The following GUCY1A2 variants were observed in gnomAD, a reference collection of about 807,000 sequenced individuals.
The protein encoded by GUCY1A2 is guanylate cyclase 1 soluble subunit alpha 2.
Under a neutral mutation model 63.5 loss-of-function variants are expected in GUCY1A2, and 27 were observed. The ratio of observed to expected loss-of-function variants is 0.43; its 90% CI spans 0.31 to 0.59. GUCY1A2 has a LOEUF of 0.59. GUCY1A2 is among the 20% of genes least tolerant of loss of function. The pLI is 0.11. For missense variants in GUCY1A2, 768 were observed against 913.3 expected, an observed-to-expected ratio of 0.84 and a Z score of 2.05; for synonymous variants, 364 against 343.5, an observed-to-expected ratio of 1.06 and a Z score of -0.66.
chr11:106,849,427 A>C (rs1390384668), intron 4 of GUCY1A2, among the ~76,000 whole-genome samples: 2 of 151,150 alleles, frequency 1.3e-5, no homozygotes, highest in Non-Finnish European at 3.0e-5. Context: ...AAATTATAGA[A>C]AAAGAAGTAT....
chr11:106,851,850 T>C (rs796267278), intron 4 of GUCY1A2, among the ~76,000 whole-genome samples: 4 of 152,106 alleles, frequency 2.6e-5, no homozygotes, highest in East Asian at 3.9e-4. Flanking sequence ...GTGGATCTCA[T>C]ACAAATTTTA....
At chr11:106,699,976 G>C (rs1862790893) in intron 7 of GUCY1A2, among the ~76,000 whole-genome samples, 1 of 151,822 alleles carries the variant, frequency 6.6e-6, no homozygotes, top group South Asian at 2.1e-4. Context: ...GTAGAGACGG[G>C]GTTTCACCAT....
rs149521947 is a variant in GUCY1A2, at chr11:106,980,694, G to A, written c.366-1954C>T. Among the ~76,000 whole-genome samples the A allele has an allele frequency of 6.6e-5, 10 of 152,286 alleles. 1 individual carries two copies. The East Asian group carries it at 1.9e-3, about 29-fold the overall frequency. ...AGAGCAATCTGTCTAAGCTAATATC[G>A]AAGGGGATGTATCCTAGCATGCTTG... On this transcript the variant is annotated intron_variant, in intron 2 of 7. Transcript: ENST00000526355.
chr11:106,937,209 G>T (rs898043946), intron 4 of GUCY1A2, among the ~76,000 whole-genome samples: 1 of 152,008 alleles, frequency 6.6e-6, no homozygotes, highest in Non-Finnish European at 1.5e-5. Flanking sequence ...TAAAAATCCT[G>T]CCTATTACTT....
intron 4 of GUCY1A2, among the ~76,000 whole-genome samples, chr11:106,879,730 T>C (rs931069297): frequency 1.3e-5 from 2 of 152,060 alleles, no homozygotes; most frequent in African/African-American, 4.8e-5. Flanking sequence ...CCATTATTAA[T>C]TACTAAGTAC....
chr11:106,963,434 G>A (rs942628708), intron 3 of GUCY1A2, among the ~76,000 whole-genome samples: 2 of 152,192 alleles, frequency 1.3e-5, no homozygotes, highest in African/African-American at 2.4e-5. Context: ...CTTTGAAAAT[G>A]TGATTTTATT....
At chr11:106,827,178 C>T (rs1297672673) in intron 4 of GUCY1A2, 2 of 1,501,974 alleles carry the variant, frequency 1.3e-6, no homozygotes, top group Non-Finnish European at 1.9e-6. Flanking sequence ...AGCCTTCATG[C>T]CAATCTGGTC....
intron 4 of GUCY1A2, among the ~76,000 whole-genome samples, chr11:106,936,985 T>C (rs958019780): frequency 1.3e-5 from 2 of 152,174 alleles, no homozygotes; most frequent in African/African-American, 4.8e-5. Context: ...TTTTTCTTTC[T>C]TCTTTCCATG....
chr11:106,979,190 T>A (rs1219619035), intron 2 of GUCY1A2, among the ~76,000 whole-genome samples: 1 of 152,188 alleles, frequency 6.6e-6, no homozygotes, highest in East Asian at 1.9e-4. Flanking sequence ...GTGCGGTGGC[T>A]CACGCCTGTA....
intron 4 of GUCY1A2, among the ~76,000 whole-genome samples, chr11:106,859,637 C>G (rs1859482047): frequency 6.6e-6 from 1 of 151,840 alleles, no homozygotes; most frequent in South Asian, 2.1e-4. Flanking sequence ...ATACAAATAC[C>G]AGGTAAAAGT....
At chr11:106,819,796 T>C (rs139359520) in intron 4 of GUCY1A2, among the ~76,000 whole-genome samples, 2,834 of 152,248 alleles carry the variant, frequency 0.019, 49 homozygotes, top group Middle Eastern at 0.041. Context: ...GAGAATACCA[T>C]TCAGCCTTAC....
chr11:106,875,780 G>A (rs752828666), intron 4 of GUCY1A2, among the ~76,000 whole-genome samples: 6 of 151,976 alleles, frequency 3.9e-5, no homozygotes, highest in African/African-American at 7.2e-5. Context: ...GATGGAGAAG[G>A]TGCCTATCAC....
intron 5 of GUCY1A2, among the ~76,000 whole-genome samples, chr11:106,793,213 C>CTA (rs1311187170): frequency 6.6e-6 from 1 of 152,040 alleles, no homozygotes; most frequent in Non-Finnish European, 1.5e-5. Flanking sequence ...AGAACTAAAT[C>CTA]TACACAATCT....
chr11:106,770,437 C>A (rs1217049568), intron 6 of GUCY1A2, among the ~76,000 whole-genome samples: 15 of 152,070 alleles, frequency 9.9e-5, no homozygotes, highest in Non-Finnish European at 1.5e-5. Context: ...GGAGTGCCAA[C>A]TGTAATTAGT....
chr11:106,923,497 T>G (rs564023341), intron 4 of GUCY1A2, among the ~76,000 whole-genome samples: 1 of 152,314 alleles, frequency 6.6e-6, no homozygotes, highest in South Asian at 2.1e-4. Context: ...CTCCAAGGAC[T>G]CCTTTGCAAG....
intron 6 of GUCY1A2, among the ~76,000 whole-genome samples, chr11:106,719,263 A>T (rs1249755251): frequency 1.3e-5 from 2 of 152,158 alleles, no homozygotes. Flanking sequence ...TTTCTGTCAA[A>T]ATGCAGCTCT....
At chr11:106,815,718 T>A (rs929941885) in intron 4 of GUCY1A2, among the ~76,000 whole-genome samples, 8 of 151,968 alleles carry the variant, frequency 5.3e-5, no homozygotes, top group African/African-American at 1.9e-4. Flanking sequence ...ATTCTGATAC[T>A]TTGATCGTCA....
At chr11:106,832,503 G>A (rs941086013) in intron 4 of GUCY1A2, among the ~76,000 whole-genome samples, 1 of 152,082 alleles carries the variant, frequency 6.6e-6, no homozygotes, top group African/African-American at 2.4e-5. Context: ...CAGGGTCTAC[G>A]GCTCAGGAAA....
intron 4 of GUCY1A2, among the ~76,000 whole-genome samples, chr11:106,896,560 G>C (rs1196771153): frequency 6.6e-6 from 1 of 152,184 alleles, no homozygotes; most frequent in Non-Finnish European, 1.5e-5. Context: ...GTATTAAGAA[G>C]TGTGGCCTTT....
Sources: allele counts gnomAD v4.1 joint callset (sites outside exome capture counted in the v4.1 genomes callset), GRCh38; gene constraint gnomAD v4.1.1; transcripts MANE v1.5; gene names NCBI Gene and HGNC (gene_info 2026-07-23, HGNC 2026-07-21).